The following ME1 variants were observed in gnomAD, a reference collection of about 807,000 sequenced individuals.
The protein encoded by ME1 is NADP-dependent malic enzyme.
In ME1, 74 loss-of-function variants were observed where a neutral mutation model predicts 66.4. The observed-to-expected ratio is 1.11, with a 90% CI of 0.92 to 1.35. The LOEUF (loss-of-function observed/expected upper bound fraction) is 1.35, where lower values mean the gene tolerates loss of function less well. Ranked by LOEUF, ME1 falls within the 40% of genes most tolerant of loss-of-function variation. The pLI is 0.00. For synonymous variants in ME1, 251 were observed against 235.6 expected, an observed-to-expected ratio of 1.07 and a Z score of -0.60; for missense variants, 750 against 694.1, an observed-to-expected ratio of 1.08 and a Z score of -0.90.
At chr6:83,400,394 C>A (rs533679399) in intron 2 of ME1, among the ~76,000 whole-genome samples, 1 of 152,286 alleles carries the variant, frequency 6.6e-6, no homozygotes, top group Admixed American at 6.5e-5. Flanking sequence ...CATGTTTGTA[C>A]AACCTGCTGA....
Position 83,230,135 on chromosome 6 carries a change from T to TG in ME1, c.1027-1205_1027-1204insC, listed in dbSNP as rs1554262670. On this transcript the variant is annotated intron_variant, in intron 9 of 13. Transcript: ENST00000369705. ...GCCACCATGCCAGGCTCTGTTTTTT[T>TG]TTGTTGTTGTTGTTGTTGTTGTTGT... 4.5e-3 allele frequency among the ~76,000 whole-genome samples: 686 copies of TG among 151,812 alleles called. 4 individuals carry two copies. Among genetic ancestry groups the TG allele is most frequent in the African/African-American group, 0.014 (592 of 41,348 alleles).
At chr6:83,275,248 C>T (rs1767155123) in intron 6 of ME1, among the ~76,000 whole-genome samples, 2 of 151,492 alleles carry the variant, frequency 1.3e-5, no homozygotes, top group Non-Finnish European at 2.9e-5. Flanking sequence ...GCAGGAGAAT[C>T]GCTGGAACCT....
chr6:83,407,231 T>C (rs1367666748), intron 2 of ME1, among the ~76,000 whole-genome samples: 1 of 152,236 alleles, frequency 6.6e-6, no homozygotes, highest in African/African-American at 2.4e-5. Flanking sequence ...ACAGTCGCCA[T>C]GGCAGGGCCT....
intron 4 of ME1, among the ~76,000 whole-genome samples, chr6:83,346,710 A>G (rs2128543886): frequency 6.6e-6 from 1 of 152,288 alleles, no homozygotes; most frequent in African/African-American, 2.4e-5. Context: ...AGTACTGCAT[A>G]GTTACTGAAG....
intron 6 of ME1, among the ~76,000 whole-genome samples, chr6:83,291,097 T>A (rs184065696): frequency 6.6e-6 from 1 of 152,362 alleles, no homozygotes; most frequent in East Asian, 1.9e-4. Flanking sequence ...TGTCTTTTAA[T>A]TGGGGCATTT....
At chr6:83,370,021 T>G (rs1769167742) in intron 3 of ME1, among the ~76,000 whole-genome samples, 1 of 152,134 alleles carries the variant, frequency 6.6e-6, no homozygotes, top group Non-Finnish European at 1.5e-5. Context: ...ATAATAGTTC[T>G]TAAATATTTA....
At chr6:83,239,191 T>C (rs1276946344) in intron 8 of ME1, among the ~76,000 whole-genome samples, 2 of 152,048 alleles carry the variant, frequency 1.3e-5, no homozygotes, top group East Asian at 1.9e-4. Flanking sequence ...TGGAGTATAC[T>C]AAAAGCCAGT....
Position 83,430,940 on chromosome 6 carries a change from G to A in ME1, c.15C>T (p.Ala5=). 1 of 1,586,100 alleles carries A rather than the reference G, an allele frequency of 6.3e-7. No homozygotes were observed. The highest frequency in any genetic ancestry group is 8.6e-7 in the Non-Finnish European group (1 of 1,167,802). Residue 5 remains alanine (A), a synonymous_variant, in exon 1 of 14, where the codon GCC becomes GCT. Coordinates refer to ENST00000369705, the MANE Select transcript of ME1 (RefSeq NM_002395.6). The stretch of plus-strand genomic sequence containing the variant: ...GCTGATGGGTGTGGCGGCGACGGGG[G>A]GCTTCGGGCTCCATGGCTGGCGCCG... MEPE[A]PRRRHTHQRG...
At position 83,407,752 on chromosome 6, in the gene ME1, T is replaced by C. The variant is rs367866324; in HGVS notation, c.212+16A>G. 16 of 1,560,360 alleles carry C rather than the reference T, an allele frequency of 1.0e-5. No individual in the cohort carries two copies. Among genetic ancestry groups the C allele is most frequent in the Admixed American group, 2.2e-5 (1 of 45,452 alleles). ...GCATAAGAGAAATATAAAAACCACC[T>C]TCAGCAATGTGTTACCTGTCAAAGT... On this transcript the variant is annotated intron_variant, in intron 2 of 13. Coordinates refer to ENST00000369705, the MANE Select transcript of ME1 (RefSeq NM_002395.6).
chr6:83,230,191 T>C (rs1790276456), intron 9 of ME1, among the ~76,000 whole-genome samples: 1 of 151,974 alleles, frequency 6.6e-6, no homozygotes, highest in Non-Finnish European at 1.5e-5. Context: ...TCTTTTTTTT[T>C]TGAGACAGAG....
intron 2 of ME1, among the ~76,000 whole-genome samples, chr6:83,407,252 C>T (rs1020971814): frequency 6.6e-6 from 1 of 152,156 alleles, no homozygotes; most frequent in Admixed American, 6.5e-5. Context: ...GTAGTGGTTG[C>T]TCAAGGATCT....
At chr6:83,238,196 G>C (rs545801864) in intron 8 of ME1, among the ~76,000 whole-genome samples, 1 of 152,202 alleles carries the variant, frequency 6.6e-6, no homozygotes, top group Admixed American at 6.5e-5. Flanking sequence ...AAAGAAGCTT[G>C]GTCATTTGGA....
At chr6:83,273,699 T>C (rs747215849) in intron 6 of ME1, among the ~76,000 whole-genome samples, 24 of 152,196 alleles carry the variant, frequency 1.6e-4, no homozygotes, top group African/African-American at 5.8e-4. Flanking sequence ...GGTAAAATCA[T>C]TACCATTTTA....
intron 12 of ME1, among the ~76,000 whole-genome samples, chr6:83,218,018 ATAATTGTAGGG>A: frequency 6.6e-6 from 1 of 152,360 alleles, no homozygotes; most frequent in East Asian, 1.9e-4. Flanking sequence ...ATTATAACAT[ATAATTGTAGGG>A]TGTTGACCAT....
intron 9 of ME1, among the ~76,000 whole-genome samples, chr6:83,229,352 G>T (rs2179849): frequency 1.7e-4 from 26 of 152,222 alleles, no homozygotes; most frequent in Non-Finnish European, 2.9e-4. Flanking sequence ...ACTAAGAAAA[G>T]AATTTGAAGT....
chr6:83,425,051 C>T lies in ME1; in HGVS notation c.78+5826G>A, dbSNP rs545569927. Among the ~76,000 whole-genome samples the T allele has an allele frequency of 1.1e-4, 16 of 152,326 alleles. 1 individual carries two copies. In the South Asian group the frequency reaches 3.3e-3, roughly 32 times the overall value. ...TTTCTGAGACAAGGTCTCAATCTGT[C>T]ATACAGGCTGGAGTGCAGTGGGTGT... On this transcript the variant is annotated intron_variant, in intron 1 of 13. Transcript: ENST00000369705.
chr6:83,294,764 G>A (rs934868615), intron 6 of ME1, among the ~76,000 whole-genome samples: 2 of 151,748 alleles, frequency 1.3e-5, no homozygotes, highest in Non-Finnish European at 2.9e-5. Context: ...AGTTCCCCCC[G>A]ACTCCCCCTG....
intron 9 of ME1, 111 bp from the exon 10 acceptor site, chr6:83,229,042 G>A: frequency 1.4e-6 from 1 of 697,486 alleles, no homozygotes; most frequent in Non-Finnish European, 2.5e-6. Flanking sequence ...TGTATGATGT[G>A]TTACAGCTAT....
intron 5 of ME1, among the ~76,000 whole-genome samples, chr6:83,334,027 GT>G (rs1768472594): frequency 6.6e-6 from 1 of 151,940 alleles, no homozygotes; most frequent in Admixed American, 6.5e-5. Flanking sequence ...CAGAAGACGG[GT>G]GATTTCTGCA....
Sources: gnomAD v4.1 joint callset for allele counts (sites outside exome capture counted in the v4.1 genomes callset) on GRCh38, gnomAD v4.1.1 for gene constraint, MANE v1.5 for transcripts, NCBI Gene and HGNC (gene_info 2026-07-23, HGNC 2026-07-21) for gene names.